Variants in NRXN1 observed in about 807,000 individuals in gnomAD.
NRXN1 encodes neurexin-1.
NRXN1 carries 39 observed loss-of-function variants against 150.9 expected under a neutral mutation model. The observed-to-expected ratio is 0.26, with a 90% CI of 0.20 to 0.34. The LOEUF (loss-of-function observed/expected upper bound fraction) is 0.34. Ranked by LOEUF, NRXN1 falls within the 10% of genes least tolerant of loss-of-function variation. NRXN1 has a pLI of 1.00. For missense variants in NRXN1, 1,815 were observed against 1,949.9 expected (o/e 0.93, Z 1.30); for synonymous variants, 924 against 757.0 (o/e 1.22, Z -3.62).
At chr2:50,537,862 C>T (rs1159639745) in intron 10 of NRXN1, among the ~76,000 whole-genome samples, 1 of 152,130 alleles carries the variant, frequency 6.6e-6, no homozygotes, top group Non-Finnish European at 1.5e-5. Context: ...GCCTCAAATG[C>T]TATTTCTTAG....
At chr2:49,978,167 A>T (rs1679332711) in intron 21 of NRXN1, among the ~76,000 whole-genome samples, 2 of 152,138 alleles carry the variant, frequency 1.3e-5, no homozygotes, top group Admixed American at 1.3e-4. Context: ...TCCCCCACAA[A>T]AAAGAAAATG....
chr2:50,056,662 G>C (rs536384787), intron 19 of NRXN1, among the ~76,000 whole-genome samples: 81 of 151,952 alleles, frequency 5.3e-4, no homozygotes, highest in African/African-American at 1.6e-3. Flanking sequence ...TTGTGTGTTT[G>C]CATATATGCA....
intron 17 of NRXN1, among the ~76,000 whole-genome samples, chr2:50,357,664 T>C (rs1181707246): frequency 1.3e-5 from 2 of 152,152 alleles, no homozygotes; most frequent in African/African-American, 4.8e-5. Context: ...AAATTTCCGA[T>C]TTTCTGTGCA....
intron 8 of NRXN1, among the ~76,000 whole-genome samples, chr2:50,555,620 C>A (rs1668121565): frequency 6.6e-6 from 1 of 152,160 alleles, no homozygotes; most frequent in Non-Finnish European, 1.5e-5. Context: ...AGAGTAGATG[C>A]TCAATAAATA....
intron 17 of NRXN1, among the ~76,000 whole-genome samples, chr2:50,305,462 A>T (rs2074529475): frequency 6.6e-6 from 1 of 152,228 alleles, no homozygotes; most frequent in African/African-American, 2.4e-5. Context: ...TTTAAAATTT[A>T]AAAATTCAGT....
At chr2:50,696,272 C>G (rs1283211364) in intron 5 of NRXN1, 1 of 151,178 alleles carries the variant, frequency 6.6e-6, no homozygotes, top group Non-Finnish European at 1.5e-5. Context: ...AACTGAAGAC[C>G]ATAAAATGTT....
intron 5 of NRXN1, among the ~76,000 whole-genome samples, chr2:50,713,040 T>A (rs887273990): frequency 2.0e-5 from 3 of 152,108 alleles, no homozygotes; most frequent in African/African-American, 4.8e-5. Context: ...TAGCTGAGTG[T>A]ATTGGCTCAC....
intron 17 of NRXN1, among the ~76,000 whole-genome samples, chr2:50,461,224 T>G (rs1420410108): frequency 6.6e-6 from 1 of 151,942 alleles, no homozygotes; most frequent in Admixed American, 6.6e-5. Flanking sequence ...TACAATAAAT[T>G]CCTATCAGAA....
rs751348647 is a variant in NRXN1, at chr2:51,027,927, C to T, written c.347G>A (p.Ser116Asn). 6.2e-7 allele frequency: 1 copy of T among 1,606,054 alleles called. No individual in the cohort carries two copies. The highest frequency in any genetic ancestry group is 1.3e-5 in the African/African-American group (1 of 75,042). The change falls in exon 2 of 23, where the codon AGC becomes AAC. Residue 116 changes from serine (S) to asparagine (N), a missense_variant. By Grantham distance (46) the Ser-to-Asn change is conservative. This residue lies in a region of NRXN1 where 554 missense variants were observed against 478.8 expected (regional missense o/e 1.16). Coordinates refer to ENST00000401669, the MANE Select transcript of NRXN1 (RefSeq NM_001330078.2). ...GCGGAACTGGCGGCGGATGCGCACG[C>T]TGTGCCAGGCGCCGTCGTTAACCGG... ...DTPVNDGAWH[S>N]VRIRRQFRNT... is the part of the protein sequence containing the mutation.
At chr2:50,210,361 G>T (rs2062927507) in intron 18 of NRXN1, among the ~76,000 whole-genome samples, 1 of 151,846 alleles carries the variant, frequency 6.6e-6, no homozygotes, top group Non-Finnish European at 1.5e-5. Context: ...CATTTTTGGA[G>T]ATGAATGGAT....
intron 5 of NRXN1, among the ~76,000 whole-genome samples, chr2:50,811,714 C>T (rs576696714): frequency 1.5e-4 from 23 of 152,188 alleles, no homozygotes; most frequent in African/African-American, 5.3e-4. Flanking sequence ...ACTGTAGTGC[C>T]TTGAATGTCT....
intron 2 of NRXN1, among the ~76,000 whole-genome samples, chr2:50,992,426 C>G (rs1345673999): frequency 2.0e-5 from 3 of 151,964 alleles, no homozygotes; most frequent in Non-Finnish European, 4.4e-5. Flanking sequence ...AAGGCTAACA[C>G]CCTCATCATT....
At chr2:50,683,745 C>G (rs901630067) in intron 5 of NRXN1, among the ~76,000 whole-genome samples, 1 of 146,042 alleles carries the variant, frequency 6.8e-6, no homozygotes, top group Non-Finnish European at 1.5e-5. Context: ...ACTTCAGCTG[C>G]CCCAAAGGAC....
At chr2:50,584,883 T>C (rs1311128729) in intron 8 of NRXN1, among the ~76,000 whole-genome samples, 1 of 152,156 alleles carries the variant, frequency 6.6e-6, no homozygotes, top group Non-Finnish European at 1.5e-5. Flanking sequence ...AGAAGGTAAA[T>C]GTATCCCATA....
At chr2:49,949,842 T>G (rs1008562146) in intron 21 of NRXN1, among the ~76,000 whole-genome samples, 2 of 151,858 alleles carry the variant, frequency 1.3e-5, no homozygotes, top group Non-Finnish European at 2.9e-5. Flanking sequence ...AAATATGATA[T>G]CTTTGGTTAA....
At chr2:49,926,013 A>G (rs1490498665) in intron 22 of NRXN1, among the ~76,000 whole-genome samples, 2 of 152,238 alleles carry the variant, frequency 1.3e-5, no homozygotes, top group Non-Finnish European at 1.5e-5. Flanking sequence ...ACTCGGTTCA[A>G]TGGAAAACTT....
chr2:50,347,716 A>C lies in NRXN1; in HGVS notation c.3365-110746T>G. 2.0e-6 allele frequency: 2 copies of C among 987,288 alleles called. No homozygotes were observed. The highest frequency in any genetic ancestry group is 2.4e-6 in the Non-Finnish European group (2 of 831,244). The allele number at this position is 987,288 out of a possible 1,614,324, so 61.2% of individuals were successfully genotyped here. ...GAGAAGAAGATGCAGACGAAGGAGTAAGGGAGAGAAACAGAAAAAGAAAAA... is the reference window on the plus strand; with the variant it reads ...GAGAAGAAGATGCAGACGAAGGAGTCAGGGAGAGAAACAGAAAAAGAAAAA... On this transcript the variant is annotated intron_variant, in intron 17 of 22. Transcript: ENST00000401669. This position sits in a 1 kb window ranked among gnomAD's most constrained non-coding sequence, Gnocchi z 4.9.
rs150802246 is a variant in NRXN1, at chr2:50,773,728, G to A, written c.832+148141C>T. Among the ~76,000 whole-genome samples, 13 of 152,238 alleles carry A rather than the reference G, an allele frequency of 8.5e-5. No homozygotes were observed. In the East Asian group the frequency reaches 2.5e-3, roughly 29 times the overall value. ...CCAGTTGGGACAGGGTTGGGGGATG[G>A]CAGAAGCAATGAAAGGGAAGGTTTC... On this transcript the variant is annotated intron_variant, in intron 5 of 22. Transcript: ENST00000401669.
intron 5 of NRXN1, among the ~76,000 whole-genome samples, chr2:50,768,874 A>G (rs1702663342): frequency 6.6e-6 from 1 of 151,720 alleles, no homozygotes; most frequent in Non-Finnish European, 1.5e-5. Flanking sequence ...ATGGAGTATC[A>G]GCAGGCAGTG....
Sources: gnomAD v4.1 joint callset for allele counts (sites outside exome capture counted in the v4.1 genomes callset) on GRCh38, gnomAD v4.1.1 for gene constraint, gnomAD v4.1.1 regional missense constraint, Gnocchi (gnomAD v3.1) non-coding constraint, MANE v1.5 for transcripts, NCBI Gene and HGNC (gene_info 2026-07-23, HGNC 2026-07-21) for gene names.